Variants in SUGP1 observed in about 807,000 individuals in gnomAD.
The protein encoded by SUGP1 is SURP and G-patch domain-containing protein 1.
A neutral mutation model predicts 76.5 loss-of-function variants in SUGP1; 34 were observed. The ratio of observed to expected loss-of-function variants is 0.44; its 90% confidence interval spans 0.34 to 0.59. SUGP1 has a LOEUF of 0.59. Ranked by LOEUF, SUGP1 falls within the 20% of genes least tolerant of loss-of-function variation. SUGP1 has a pLI of 0.01. For missense variants in SUGP1, 752 were observed against 851.7 expected (o/e 0.88, Z 1.46); for synonymous variants, 326 against 326.2 (o/e 1.00, Z 0.01).
chr19:19,289,350 C>T (rs978078414), intron 8 of SUGP1, among the ~76,000 whole-genome samples: 2 of 152,016 alleles, frequency 1.3e-5, no homozygotes, highest in African/African-American at 4.8e-5. Context: ...ACCTGTAATC[C>T]CAGCACTTTG....
intron 1 of SUGP1, among the ~76,000 whole-genome samples, chr19:19,320,134 G>C (rs1405682682): frequency 6.6e-6 from 1 of 152,236 alleles, no homozygotes; most frequent in Admixed American, 6.5e-5. Context: ...CGAAAAGAGG[G>C]GTGCAGGGAC....
intron 4 of SUGP1, 130 bp downstream of exon 4, chr19:19,305,719 C>CA: frequency 2.3e-6 from 2 of 885,454 alleles, no homozygotes; most frequent in Non-Finnish European, 3.4e-6. Context: ...AGGCTCAGCT[C>CA]AGAGGTCTGG....
At position 19,297,000 on chromosome 19, in the gene SUGP1, G is replaced by A. The variant is rs1441412079; in HGVS notation, c.1232C>T (p.Ser411Leu). The change falls in exon 8 of 14, where the codon TCG (serine) becomes TTG (leucine). Residue 411 changes from serine (S) to leucine (L), a missense_variant. This residue lies in a region of SUGP1 where 620 missense variants were observed against 617.3 expected (regional missense o/e 1.00). Coordinates refer to ENST00000247001, the MANE Select transcript of SUGP1 (RefSeq NM_172231.4). ...LVQRDVDASP[S>L]PLSVQDLKGL... ...GAGGGTCTGCCCACCTGACAGAGGC[G>A]AGGGAGAGGCATCCACGTCCCTCTG... 6 of 1,580,532 alleles carry A rather than the reference G, an allele frequency of 3.8e-6. No homozygotes were observed. The highest frequency in any genetic ancestry group is 3.4e-5 in the Admixed American group (2 of 58,144).
chr19:19,309,786 T>C (rs1014313349), intron 3 of SUGP1, among the ~76,000 whole-genome samples: 96 of 152,132 alleles, frequency 6.3e-4, no homozygotes, highest in African/African-American at 2.0e-3. Context: ...GTGGCGGGCG[T>C]CTGTAGTCCC....
intron 7 of SUGP1, 78 bp from the exon 8 acceptor site, chr19:19,297,422 G>GCCTTCTGGGCAGGAGCAGTTCTGA: frequency 1.6e-6 from 2 of 1,225,266 alleles, no homozygotes; most frequent in Non-Finnish European, 2.2e-6. Flanking sequence ...AGCAGTTCTG[G>GCCTTCTGGGCAGGAGCAGTTCTGA]CCTTGTGTGC....
chr19:19,294,810 T>C (rs551211197), intron 8 of SUGP1, among the ~76,000 whole-genome samples: 2 of 149,344 alleles, frequency 1.3e-5, no homozygotes, highest in Non-Finnish European at 3.0e-5. Context: ...AAAAAAAAAC[T>C]GATACTTTCT....
At chr19:19,285,016 C>T (rs910219278) in intron 8 of SUGP1, among the ~76,000 whole-genome samples, 11 of 149,496 alleles carry the variant, frequency 7.4e-5, no homozygotes, top group Admixed American at 2.0e-4. Context: ...TACAGGCGCC[C>T]GCCACCGTGC....
At chr19:19,279,460 C>T (rs764383278) in intron 9 of SUGP1, 70 bp from the exon 10 acceptor site, 14 of 1,479,640 alleles carry the variant, frequency 9.5e-6, no homozygotes, top group South Asian at 2.6e-5. Context: ...TCCTGCTCCC[C>T]GCCTCCAGTG....
At chr19:19,292,171 G>A (rs528439002) in intron 8 of SUGP1, among the ~76,000 whole-genome samples, 1 of 150,784 alleles carries the variant, frequency 6.6e-6, no homozygotes, top group Non-Finnish European at 1.5e-5. Context: ...TACTCGGGAG[G>A]CTGACGTAGG....
intron 7 of SUGP1, among the ~76,000 whole-genome samples, chr19:19,299,708 T>G (rs896150206): frequency 4.0e-5 from 6 of 151,672 alleles, no homozygotes; most frequent in African/African-American, 7.3e-5. Flanking sequence ...CAGCTGATGC[T>G]CTATTGACAT....
intron 8 of SUGP1, among the ~76,000 whole-genome samples, chr19:19,285,102 C>T (rs1329786583): frequency 6.6e-6 from 1 of 151,824 alleles, no homozygotes. Flanking sequence ...CTCCTGACCT[C>T]GTGATCCGCC....
At chr19:19,283,172 T>C (rs985445333) in intron 8 of SUGP1, among the ~76,000 whole-genome samples, 46 of 152,310 alleles carry the variant, frequency 3.0e-4, no homozygotes, top group African/African-American at 1.0e-3. Context: ...ATATACACAT[T>C]GCAGAAAGTT....
rs192844408 is a variant in SUGP1, at chr19:19,312,625, C to T, written c.207-2425G>A. The stretch of plus-strand genomic sequence containing the variant: ...GGGCACTGGTTAAATAAATTACGGG[C>T]CATCCACAGGGAAGATGGGGCAGCC... On this transcript the variant is annotated intron_variant, in intron 2 of 13. Transcript: ENST00000247001. Among the ~76,000 whole-genome samples the T allele has an allele frequency of 2.6e-5, 4 of 152,242 alleles. No homozygotes were observed. In the East Asian group the frequency reaches 5.8e-4, roughly 22 times the overall value.
intron 8 of SUGP1, among the ~76,000 whole-genome samples, chr19:19,282,980 A>G (rs924386856): frequency 2.0e-5 from 3 of 151,862 alleles, no homozygotes; most frequent in Non-Finnish European, 4.4e-5. Context: ...GGGAGGCTGA[A>G]GTAGGAGAAT....
intron 8 of SUGP1, among the ~76,000 whole-genome samples, chr19:19,284,905 G>A (rs1364752522): frequency 8.8e-5 from 13 of 147,916 alleles, no homozygotes; most frequent in Non-Finnish European, 1.2e-4. Context: ...ATGGAGTCTC[G>A]CTCTTTCGCC....
chr19:19,278,756 G>A lies in SUGP1; in HGVS notation c.1569C>T (p.His523=). The change falls in exon 11 of 14, where the codon CAC becomes CAT. Residue 523 remains histidine (H), a synonymous_variant. Coordinates refer to ENST00000247001, the MANE Select transcript of SUGP1 (RefSeq NM_172231.4). ...EQLTKMGRGK[H]FIGDFLPPDE... is the part of the protein sequence containing the mutation. ...CTGGAGGCAGGAAGTCTCCGATGAA[G>A]TGCTTGCCCCGGCCCATCTTTGTCA... 1.2e-6 allele frequency: 2 copies of A among 1,614,068 alleles called. No homozygotes were observed. Among genetic ancestry groups the A allele is most frequent in the Non-Finnish European group, 1.7e-6 (2 of 1,179,986 alleles).
At chr19:19,299,967 G>A (rs562264172) in intron 7 of SUGP1, among the ~76,000 whole-genome samples, 24 of 151,860 alleles carry the variant, frequency 1.6e-4, no homozygotes, top group Middle Eastern at 3.5e-3. Flanking sequence ...TAGTAGAGAC[G>A]GGGTTTCTCC....
chr19:19,316,211 A>G (rs2061392909), intron 2 of SUGP1: 2 of 599,676 alleles, frequency 3.3e-6, no homozygotes, highest in Admixed American at 3.1e-5. Flanking sequence ...TGCTGAGTGG[A>G]TGAGTTGGCA....
chr19:19,282,848 T>A (rs8100713), intron 8 of SUGP1, among the ~76,000 whole-genome samples: 2 of 151,738 alleles, frequency 1.3e-5, no homozygotes, highest in South Asian at 2.1e-4. Context: ...GAGGCCAAGG[T>A]GGGCGGATCA....
Sources: gnomAD v4.1 joint callset for allele counts (sites outside exome capture counted in the v4.1 genomes callset) on GRCh38, gnomAD v4.1.1 for gene constraint, gnomAD v4.1.1 regional missense constraint, MANE v1.5 for transcripts, NCBI Gene and HGNC (gene_info 2026-07-23, HGNC 2026-07-21) for gene names.